CERS3: variants seen among roughly 807,000 people sequenced by gnomAD.
CERS3 encodes LAG1 homolog, ceramide synthase 3.
A neutral mutation model predicts 50.3 loss-of-function variants in CERS3; 33 were observed. That is an observed-to-expected ratio of 0.66 (90% confidence interval 0.50 to 0.88). CERS3 has a LOEUF of 0.88. CERS3 is among the 40% of genes least tolerant of loss of function. The pLI is 0.00. For synonymous variants in CERS3, 176 were observed against 155.2 expected, an observed-to-expected ratio of 1.13 and a Z score of -0.99; for missense variants, 470 against 460.3, an observed-to-expected ratio of 1.02 and a Z score of -0.19.
chr15:100,524,126 T>C (rs996442028), intron 1 of CERS3, among the ~76,000 whole-genome samples: 5 of 152,158 alleles, frequency 3.3e-5, no homozygotes, highest in Non-Finnish European at 5.9e-5. Context: ...TCAGACAGTA[T>C]TGAGAACCAC....
At chr15:100,495,579 T>C (rs1191260977) in intron 3 of CERS3, among the ~76,000 whole-genome samples, 1 of 152,216 alleles carries the variant, frequency 6.6e-6, no homozygotes, top group Non-Finnish European at 1.5e-5. Context: ...TTTGTATATC[T>C]TATTTGATGA....
chr15:100,448,430 A>G lies in CERS3; in HGVS notation c.999+7463T>C, dbSNP rs1385616135. Among the ~76,000 whole-genome samples the G allele has an allele frequency of 2.0e-5, 3 of 152,222 alleles. No individual in the cohort carries two copies. The East Asian group carries it at 5.8e-4, about 29-fold the overall frequency. Reference sequence around the variant, plus strand: ...GGTAAGTAAGAGATCTCAGTAGTCCACATTCCCATCATGGACTCCTGCAAT... The same window carrying G: ...GGTAAGTAAGAGATCTCAGTAGTCCGCATTCCCATCATGGACTCCTGCAAT... On this transcript the variant is annotated intron_variant, in intron 11 of 11. Transcript: ENST00000679737.
At chr15:100,538,175 A>G (rs963247311) in intron 1 of CERS3, among the ~76,000 whole-genome samples, 4 of 152,226 alleles carry the variant, frequency 2.6e-5, no homozygotes, top group African/African-American at 9.6e-5. Context: ...TGCAGGGTAC[A>G]GCCCTGCTCC....
At chr15:100,543,165 G>A (rs1481578028) in intron 1 of CERS3, among the ~76,000 whole-genome samples, 2 of 152,088 alleles carry the variant, frequency 1.3e-5, no homozygotes. Flanking sequence ...ACCTGCCTCA[G>A]CCTCCCAAAG....
intron 7 of CERS3, 115 bp downstream of exon 7, chr15:100,479,313 C>A: frequency 5.8e-6 from 4 of 688,854 alleles, no homozygotes; most frequent in East Asian, 2.7e-5. Context: ...GAAAAAGTGC[C>A]AGGGATGACA....
At chr15:100,467,884 GATATAGA>G (rs2034835140) in intron 10 of CERS3, among the ~76,000 whole-genome samples, 1 of 32,832 alleles carries the variant, frequency 3.0e-5, no homozygotes, top group Admixed American at 2.8e-4. Context: ...GATAGATATA[GATATAGA>G]TATAGATATA....
intron 8 of CERS3, chr15:100,475,829 A>C (rs772269053): frequency 1.5e-5 from 3 of 202,894 alleles, no homozygotes; most frequent in African/African-American, 2.3e-5. Flanking sequence ...ACAGACATAT[A>C]AAGGAAATGT....
rs376705649 is a variant in CERS3 at position 100,469,230 on chromosome 15, T to C, written c.845+148A>G. Reference sequence around the variant, plus strand: ...GTGTTGTTTTAATTATTTATAAAAATGGCTCCATCACATTCTTTTCTCCAA... The same window carrying C: ...GTGTTGTTTTAATTATTTATAAAAACGGCTCCATCACATTCTTTTCTCCAA... On this transcript the variant is annotated intron_variant, in intron 10 of 11. Transcript: ENST00000679737. The C allele has an allele frequency of 1.5e-4, 88 of 593,012 alleles. No individual in the cohort carries two copies. In the South Asian group the frequency reaches 1.9e-3, roughly 13 times the overall value. 36.7% of individuals were successfully genotyped at this position (593,012 alleles called of 1,614,324 possible). A position where few individuals can be genotyped will look rare whatever the true frequency, so the allele number is the denominator to read the frequency against.
At chr15:100,411,783 T>C (rs541450090) in intron 11 of CERS3, among the ~76,000 whole-genome samples, 292 of 152,276 alleles carry the variant, frequency 1.9e-3, no homozygotes, top group African/African-American at 6.6e-3. Context: ...TATGTTCGGT[T>C]TTTTTAATAG....
intron 11 of CERS3, among the ~76,000 whole-genome samples, chr15:100,455,177 A>G (rs2034321939): frequency 2.0e-5 from 3 of 152,170 alleles, no homozygotes; most frequent in African/African-American, 7.2e-5. Flanking sequence ...GGAAAACGGA[A>G]TGCAGATTTC....
Position 100,472,907 on chromosome 15 carries a change from T to A in CERS3, c.738+17A>T, listed in dbSNP as rs1367250169. 1 of 1,613,664 alleles carries A rather than the reference T, an allele frequency of 6.2e-7. No individual in the cohort carries two copies. The highest frequency in any genetic ancestry group is 2.2e-5 in the East Asian group (1 of 44,886). The stretch of plus-strand genomic sequence containing the variant: ...GGACATGGTATTGTCATTAGTTTTT[T>A]AATGGCAAACGTTTACCTCCAGCCA... On this transcript the variant is annotated intron_variant, in intron 9 of 11. Coordinates refer to ENST00000679737, the MANE Select transcript of CERS3 (RefSeq NM_001378789.1).
chr15:100,414,829 A>AAAAAAC (rs1190215408), intron 11 of CERS3, among the ~76,000 whole-genome samples: 1 of 151,804 alleles, frequency 6.6e-6, no homozygotes, highest in Non-Finnish European at 1.5e-5. Context: ...TAAAAAAAAA[A>AAAAAAC]AACCCTGGAA....
At chr15:100,533,562 C>CTT (rs59483467), upstream of CERS3, among the ~76,000 whole-genome samples, 94 of 112,394 alleles carry the variant, frequency 8.4e-4, no homozygotes, top group East Asian at 1.1e-3. Context: ...CCCTCTCTCT[C>CTT]TTTTTTTTTT....
At chr15:100,533,951 C>A (rs2037008377) in intron 1 of CERS3, among the ~76,000 whole-genome samples, 1 of 152,150 alleles carries the variant, frequency 6.6e-6, no homozygotes, top group Non-Finnish European at 1.5e-5. Context: ...AGATTTTTCC[C>A]TTGAAGAGTT....
At chr15:100,409,966 G>C (rs572679935) in intron 11 of CERS3, among the ~76,000 whole-genome samples, 10 of 152,266 alleles carry the variant, frequency 6.6e-5, no homozygotes, top group African/African-American at 2.2e-4. Flanking sequence ...ACACACGCCT[G>C]TCATCTGCCA....
chr15:100,507,979 A>T (rs2036232275), intron 2 of CERS3, among the ~76,000 whole-genome samples: 1 of 152,190 alleles, frequency 6.6e-6, no homozygotes, highest in African/African-American at 2.4e-5. Flanking sequence ...GAAGTATTTT[A>T]TTTAAGGTAC....
intron 11 of CERS3, among the ~76,000 whole-genome samples, chr15:100,450,195 C>T (rs949667062): frequency 6.6e-6 from 1 of 151,902 alleles, no homozygotes; most frequent in Non-Finnish European, 1.5e-5. Flanking sequence ...CCAAGGTGGG[C>T]AGATCATGAG....
chr15:100,423,653 T>C (rs1234029373), intron 11 of CERS3, among the ~76,000 whole-genome samples: 5 of 152,150 alleles, frequency 3.3e-5, no homozygotes, highest in Admixed American at 1.3e-4. Context: ...TCAGGTACTA[T>C]GCTCACTACC....
intron 7 of CERS3, among the ~76,000 whole-genome samples, chr15:100,479,067 G>A (rs2035221582): frequency 6.6e-6 from 1 of 152,016 alleles, no homozygotes; most frequent in Non-Finnish European, 1.5e-5. Flanking sequence ...AAGAACAAAA[G>A]CATGTGTAAC....
Sources: allele counts gnomAD v4.1 joint callset (sites outside exome capture counted in the v4.1 genomes callset), GRCh38; gene constraint gnomAD v4.1.1; transcripts MANE v1.5; gene names NCBI Gene and HGNC (gene_info 2026-07-23, HGNC 2026-07-21).